Variants in SMAD6 observed in about 807,000 individuals in gnomAD.
SMAD6 encodes SMAD family member 6, also known as MAD homolog 6.
A neutral mutation model predicts 39.4 loss-of-function variants in SMAD6; 103 were observed. The observed-to-expected ratio is 2.62, with a 90% confidence interval of 2.23 to 3.08. The LOEUF is 3.08. Among genes scored for constraint, SMAD6 ranks in the 30% most tolerant of loss-of-function variants. The pLI, the probability that SMAD6 is intolerant of heterozygous loss-of-function variation, is 0.00. For synonymous variants in SMAD6, 445 were observed against 353.3 expected (o/e 1.26, Z -2.91); for missense variants, 1,104 against 742.9 (o/e 1.49, Z -5.65).
chr15:66,704,282 A>T (rs1893059925), intron 1 of SMAD6: 2 of 393,194 alleles, frequency 5.1e-6, no homozygotes, highest in Admixed American at 9.0e-5. Flanking sequence ...CTTTATCTCA[A>T]GGCTCCGGTA....
intron 1 of SMAD6, among the ~76,000 whole-genome samples, chr15:66,710,327 A>T (rs1893203462): frequency 1.3e-5 from 2 of 152,200 alleles, no homozygotes; most frequent in South Asian, 4.1e-4. Context: ...ACACCGAGCA[A>T]ATGTTCGCGT....
chr15:66,720,803 T>C (rs189931007), intron 3 of SMAD6, among the ~76,000 whole-genome samples: 2 of 152,326 alleles, frequency 1.3e-5, no homozygotes, highest in Non-Finnish European at 2.9e-5. Flanking sequence ...GGGCAGTCAC[T>C]GTCCAGCTAT....
At chr15:66,760,791 G>A (rs1200335712) in intron 3 of SMAD6, among the ~76,000 whole-genome samples, 1 of 152,112 alleles carries the variant, frequency 6.6e-6, no homozygotes, top group Non-Finnish European at 1.5e-5. Flanking sequence ...CAGGCCTGGC[G>A]CTGGGACCAA....
At chr15:66,760,131 A>T (rs544733259) in intron 3 of SMAD6, among the ~76,000 whole-genome samples, 1 of 150,034 alleles carries the variant, frequency 6.7e-6, no homozygotes, top group African/African-American at 2.5e-5. Context: ...CAGCCTTCAA[A>T]TCCTTGATTG....
intron 1 of SMAD6, among the ~76,000 whole-genome samples, chr15:66,709,549 C>T (rs1893186988): frequency 6.6e-6 from 1 of 152,202 alleles, no homozygotes; most frequent in South Asian, 2.1e-4. Context: ...TCAAGATTCA[C>T]CTTTGGGGAC....
chr15:66,744,768 G>A (rs1018687481), intron 3 of SMAD6, among the ~76,000 whole-genome samples: 2 of 152,362 alleles, frequency 1.3e-5, no homozygotes, highest in South Asian at 2.1e-4. Flanking sequence ...GGATAAGCCA[G>A]TGTGCTGCCC....
At chr15:66,760,485 C>T (rs16950202) in intron 3 of SMAD6, among the ~76,000 whole-genome samples, 8,249 of 152,274 alleles carry the variant, frequency 0.054, 283 homozygotes, top group African/African-American at 0.08. Context: ...TGGCACATGG[C>T]GGGCTCGAAG....
chr15:66,729,227 C>A (rs565068463), intron 3 of SMAD6, among the ~76,000 whole-genome samples: 5 of 152,156 alleles, frequency 3.3e-5, no homozygotes, highest in Admixed American at 6.5e-5. Flanking sequence ...TGTCCCCCTG[C>A]GTCTCCCTGC....
chr15:66,727,718 G>A (rs943835691), intron 3 of SMAD6, among the ~76,000 whole-genome samples: 1 of 152,198 alleles, frequency 6.6e-6, no homozygotes, highest in African/African-American at 2.4e-5. Context: ...ACGGATGACT[G>A]TGGGCTTAGC....
intron 3 of SMAD6, among the ~76,000 whole-genome samples, chr15:66,779,046 CT>C (rs1183907901): frequency 6.6e-6 from 1 of 152,174 alleles, no homozygotes; most frequent in Non-Finnish European, 1.5e-5. Flanking sequence ...TTTTCTGGCC[CT>C]TGGGGACTCC....
chr15:66,775,799 G>C (rs150532644), intron 3 of SMAD6, among the ~76,000 whole-genome samples: 1 of 152,214 alleles, frequency 6.6e-6, no homozygotes, highest in Non-Finnish European at 1.5e-5. Flanking sequence ...GCTGATGGCC[G>C]TGGGAGATGG....
intron 3 of SMAD6, among the ~76,000 whole-genome samples, chr15:66,741,857 A>C (rs1893821167): frequency 6.6e-6 from 1 of 152,130 alleles, no homozygotes; most frequent in African/African-American, 2.4e-5. Flanking sequence ...GCATGTCCTG[A>C]GGCATTGACT....
At chr15:66,771,696 G>A (rs1191787965) in intron 3 of SMAD6, among the ~76,000 whole-genome samples, 1 of 152,182 alleles carries the variant, frequency 6.6e-6, no homozygotes, top group African/African-American at 2.4e-5. Flanking sequence ...GGTCTGTCCT[G>A]AGGATGGGGA....
At chr15:66,761,539 A>T (rs1894198990) in intron 3 of SMAD6, among the ~76,000 whole-genome samples, 1 of 152,216 alleles carries the variant, frequency 6.6e-6, no homozygotes, top group African/African-American at 2.4e-5. Flanking sequence ...TTGCAAAAAT[A>T]ATTCATGTTG....
At chr15:66,770,923 T>G (rs914755080) in intron 3 of SMAD6, among the ~76,000 whole-genome samples, 1 of 152,098 alleles carries the variant, frequency 6.6e-6, no homozygotes, top group African/African-American at 2.4e-5. Context: ...GATGGATGAG[T>G]CCTCTGATGG....
chr15:66,708,588 A>C (rs1893165868), intron 1 of SMAD6: 1 of 396,664 alleles, frequency 2.5e-6, no homozygotes, highest in South Asian at 1.9e-5. Flanking sequence ...TCATTCACCC[A>C]TGAAAAAGAA....
intron 2 of SMAD6, among the ~76,000 whole-genome samples, chr15:66,712,400 A>G (rs1380091497): frequency 6.6e-6 from 1 of 152,156 alleles, no homozygotes; most frequent in Admixed American, 6.5e-5. Context: ...TTTCAAAAGT[A>G]GAGATTGTTG....
rs1287030860 is a variant in SMAD6, at chr15:66,704,034, T to TGTGCTGCAACCCCTACCAC, written c.777_795dup (p.Phe266ValfsTer43). 6.6e-7 allele frequency: 1 copy of TGTGCTGCAACCCCTACCAC among 1,513,680 alleles called. No homozygotes were observed. The highest frequency in any genetic ancestry group is 8.8e-7 in the Non-Finnish European group (1 of 1,140,496). 93.8% of individuals were successfully genotyped at this position (1,513,680 alleles called of 1,614,324 possible). ...GCCGCCGCCGCCGACGGCCCTACCG[T>TGTGCTGCAACCCCTACCAC]GTGCTGCAACCCCTACCACTTCAGC... On this transcript the variant is annotated frameshift_variant, in exon 1 of 4. Transcript: ENST00000288840. LOFTEE classifies it high-confidence loss of function.
chr15:66,742,792 G>A (rs888371732), intron 3 of SMAD6, among the ~76,000 whole-genome samples: 10 of 152,292 alleles, frequency 6.6e-5, no homozygotes, highest in Non-Finnish European at 1.0e-4. Flanking sequence ...AGCCAGGGAG[G>A]TTGGTGGACG....
Sources: allele counts gnomAD v4.1 joint callset (sites outside exome capture counted in the v4.1 genomes callset), GRCh38; gene constraint gnomAD v4.1.1; transcripts MANE v1.5; gene names NCBI Gene and HGNC (gene_info 2026-07-23, HGNC 2026-07-21).